The following PFKL variants were observed in gnomAD, a reference collection of about 807,000 sequenced individuals.
PFKL encodes ATP-dependent 6-phosphofructokinase, liver type.
Under a neutral mutation model 92.1 loss-of-function variants are expected in PFKL, and 74 were observed. That is an observed-to-expected ratio of 0.80 (90% CI 0.67 to 0.97). PFKL has a LOEUF of 0.97. PFKL is among the 50% of genes least tolerant of loss of function. PFKL has a pLI of 0.00. For synonymous variants in PFKL, 494 were observed against 456.4 expected (o/e 1.08, Z -1.05); for missense variants, 1,028 against 1,116.6 (o/e 0.92, Z 1.13).
rs1602012824 is a variant in PFKL at position 44,311,189 on chromosome 21, A to C, written c.237+106A>C. On this transcript the variant is annotated intron_variant, in intron 3 of 21. Coordinates refer to ENST00000349048, the MANE Select transcript of PFKL (RefSeq NM_002626.6). ...ACACACAGAGACAGACACGTGCACA[A>C]ACACACACATGCAGACACACAGACA... is the stretch of plus-strand genomic sequence containing the variant. 3 of 785,526 alleles carry C rather than the reference A, an allele frequency of 3.8e-6. No individual in the cohort carries two copies. In the Admixed American group the frequency reaches 7.0e-5, roughly 18 times the overall value. The allele number at this position is 785,526 out of a possible 1,614,324, so 48.7% of individuals were successfully genotyped here.
chr21:44,327,167 G>A lies in PFKL; in HGVS notation c.*305G>A, dbSNP rs1472264711. 4.5e-6 allele frequency: 2 copies of A among 444,258 alleles called. No individual in the cohort carries two copies. The highest frequency in any genetic ancestry group is 4.2e-6 in the Non-Finnish European group (1 of 239,172). The allele number at this position is 444,258 out of a possible 1,614,324, so 27.5% of individuals were successfully genotyped here. On this transcript the variant is annotated 3_prime_UTR_variant, in exon 22 of 22. Coordinates refer to ENST00000349048, the MANE Select transcript of PFKL (RefSeq NM_002626.6). The stretch of plus-strand genomic sequence containing the variant: ...TGCCCCCTGGCTTTGGCGCCCCATG[G>A]GCCCTCAGCGTCTCCCCATGCTGGG...
chr21:44,306,723 A>T lies in PFKL; in HGVS notation c.128A>T (p.Tyr43Phe). ...AVRAVTRMGI[Y>F]VGAKVFLIYE... ...CGGGCTGTGACGCGCATGGGCATTT[A>T]TGTGGGTGCCAAAGTCTTCCTCATC... The change falls in exon 2 of 22, where the codon TAT becomes TTT. Residue 43 changes from tyrosine to phenylalanine, a missense_variant. Coordinates refer to ENST00000349048, the MANE Select transcript of PFKL (RefSeq NM_002626.6). The T allele has an allele frequency of 6.2e-7, 1 of 1,613,868 alleles. No homozygotes were observed.
At chr21:44,302,522 CG>C (rs1568938660) in intron 1 of PFKL, among the ~76,000 whole-genome samples, 1 of 152,210 alleles carries the variant, frequency 6.6e-6, no homozygotes, top group Non-Finnish European at 1.5e-5. Flanking sequence ...TTTTCCTTCT[CG>C]GGGCCCCACT....
intron 3 of PFKL, among the ~76,000 whole-genome samples, chr21:44,311,505 AACAT>A (rs1478526284): frequency 1.3e-5 from 2 of 152,176 alleles, no homozygotes. Context: ...CAGATACAGA[AACAT>A]ACAGACATAT....
chr21:44,319,242 C>T (rs948324528), intron 10 of PFKL, 109 bp from the exon 11 acceptor site: 12 of 904,356 alleles, frequency 1.3e-5, no homozygotes, highest in Non-Finnish European at 2.0e-5. Flanking sequence ...GGGCCAGGGT[C>T]AGGAGATGCC....
chr21:44,323,737 C>G, intron 15 of PFKL, 29 bp from the exon 16 acceptor site: 1 of 1,597,298 alleles, frequency 6.3e-7, no homozygotes. Flanking sequence ...CGGTGCTGCC[C>G]TTGACCTGCC....
At position 44,300,120 on chromosome 21, in the gene PFKL, C is replaced by T; in HGVS notation, c.15C>T (p.Asp5=). The change falls in exon 1 of 22, where the codon GAC becomes GAT. Residue 5 remains aspartate, a synonymous_variant. Coordinates refer to ENST00000349048, the MANE Select transcript of PFKL (RefSeq NM_002626.6). MAAV[D]LEKLRASGAG... is the part of the protein sequence containing the mutation. ...CGGCCGCCGCCATGGCCGCGGTGGACCTGGAGAAGCTGCGGGCGTCGGGCG... is the reference window on the plus strand; with the variant it reads ...CGGCCGCCGCCATGGCCGCGGTGGATCTGGAGAAGCTGCGGGCGTCGGGCG... The T allele has an allele frequency of 8.5e-7, 1 of 1,180,898 alleles. No individual in the cohort carries two copies. Among genetic ancestry groups the T allele is most frequent in the Non-Finnish European group, 1.1e-6 (1 of 939,536 alleles). The allele number at this position is 1,180,898 out of a possible 1,614,324, so 73.2% of individuals were successfully genotyped here. A position where few individuals can be genotyped will look rare whatever the true frequency, so the allele number is the denominator to read the frequency against.
intron 1 of PFKL, among the ~76,000 whole-genome samples, chr21:44,304,689 T>TG (rs1158713423): frequency 4.6e-4 from 54 of 117,524 alleles, no homozygotes; most frequent in South Asian, 1.5e-3. Context: ...CTCAGCTGTC[T>TG]GGGGGGGGCT....
chr21:44,314,312 A>G lies in PFKL; in HGVS notation c.747+291A>G, dbSNP rs2047140054. The G allele has an allele frequency of 1.7e-5, 7 of 409,814 alleles. No individual in the cohort carries two copies. The South Asian group carries it at 2.3e-4, about 14-fold the overall frequency. 25.4% of individuals were successfully genotyped at this position (409,814 alleles called of 1,614,324 possible). On this transcript the variant is annotated intron_variant, in intron 7 of 21. Transcript: ENST00000349048. ...TGTGGGGAGCTTGGTGAGGCTGCTT[A>G]CTGGGGTGGGACTGCTGAGCCTGGG...
Position 44,300,110 on chromosome 21 carries a change from C to T in PFKL, c.5C>T (p.Ala2Val). 1 of 1,163,062 alleles carries T rather than the reference C, an allele frequency of 8.6e-7. No homozygotes were observed. The highest frequency in any genetic ancestry group is 1.1e-6 in the Non-Finnish European group (1 of 930,098). 72.0% of individuals were successfully genotyped at this position (1,163,062 alleles called of 1,614,324 possible). The change falls in exon 1 of 22, where the codon GCC (alanine) becomes GTC (valine). Residue 2 changes from alanine (A) to valine (V), a missense_variant. By Grantham distance (64) the Ala-to-Val change is moderately conservative. Transcript: ENST00000349048. The part of the protein sequence containing the change: M[A>V]AVDLEKLRAS... The stretch of plus-strand genomic sequence containing the variant: ...GCCCGTGTTTCGGCCGCCGCCATGG[C>T]CGCGGTGGACCTGGAGAAGCTGCGG...
intron 2 of PFKL, among the ~76,000 whole-genome samples, chr21:44,309,828 G>C (rs2041063403): frequency 6.6e-6 from 1 of 152,240 alleles, no homozygotes; most frequent in African/African-American, 2.4e-5. Flanking sequence ...CCCTGAGATG[G>C]GGCAGGGGCA....
Position 44,306,897 on chromosome 21 carries a change from G to A in PFKL, c.159+143G>A, listed in dbSNP as rs1602001324. On this transcript the variant is annotated intron_variant, in intron 2 of 21. Coordinates refer to ENST00000349048, the MANE Select transcript of PFKL (RefSeq NM_002626.6). The stretch of plus-strand genomic sequence containing the variant: ...ATGGGTATGTGGTCTTGGGGAGTGT[G>A]AGGGGGAGCTTGGGGCCAGGCCAAA... 4 of 734,924 alleles carry A rather than the reference G, an allele frequency of 5.4e-6. No homozygotes were observed. In the East Asian group the frequency reaches 1.1e-4, roughly 20 times the overall value. The allele number at this position is 734,924 out of a possible 1,614,324, so 45.5% of individuals were successfully genotyped here.
intron 1 of PFKL, among the ~76,000 whole-genome samples, chr21:44,304,054 C>T (rs1035984581): frequency 6.8e-5 from 4 of 58,848 alleles, no homozygotes; most frequent in African/African-American, 4.0e-4. Flanking sequence ...GAACGTGTCC[C>T]TTTCCAGTCC....
Position 44,323,034 on chromosome 21 carries a change from G to T in PFKL, c.1482G>T (p.Val494=). The stretch of plus-strand genomic sequence containing the variant: ...TCTATGGTATTCACGCCCTGCTGGT[G>T]GTCGGTGGGTTTGAGGTGAGAGCTG... ...IRIYGIHALL[V]VGGFEAYEGV... is the part of the protein sequence containing the mutation. The change falls in exon 15 of 22, where the codon GTG becomes GTT. Residue 494 remains valine (V), a synonymous_variant. Coordinates refer to ENST00000349048, the MANE Select transcript of PFKL (RefSeq NM_002626.6). 6.2e-7 allele frequency: 1 copy of T among 1,613,126 alleles called. No individual in the cohort carries two copies. Among genetic ancestry groups the T allele is most frequent in the Non-Finnish European group, 8.5e-7 (1 of 1,179,612 alleles).
At chr21:44,300,318 C>T (rs1601978466) in intron 1 of PFKL, 128 bp downstream of exon 1, 1 of 272,622 alleles carries the variant, frequency 3.7e-6, no homozygotes, top group Non-Finnish European at 5.8e-6. Context: ...CCCCGGCCTC[C>T]CGCCCCGGCC....
Position 44,313,143 on chromosome 21 carries a change from G to A in PFKL, c.593G>A (p.Ser198Asn). The change falls in exon 5 of 22, where the codon AGC becomes AAC. Residue 198 changes from serine (S) to asparagine (N), a missense_variant and splice_region_variant. Transcript: ENST00000349048. ...VIDAITTTAQ[S>N]HQRTFVLEVM... ...GATGCCATCACCACCACTGCCCAGAGGTGAGTGAGGCTGGCGCCGGCGGCC... is the reference window on the plus strand; with the variant it reads ...GATGCCATCACCACCACTGCCCAGAAGTGAGTGAGGCTGGCGCCGGCGGCC... 1 of 1,612,522 alleles carries A rather than the reference G, an allele frequency of 6.2e-7. No homozygotes were observed. Among genetic ancestry groups the A allele is most frequent in the Non-Finnish European group, 8.5e-7 (1 of 1,179,768 alleles).
Position 44,324,363 on chromosome 21 carries a change from T to C in PFKL, c.1651-128T>C. On this transcript the variant is annotated intron_variant, in intron 16 of 21. Transcript: ENST00000349048. ...GAGGTGGGCCCAAGCCTGGTGCTGC[T>C]GGCTGTCTGGGTGCGTCAGCCCCAG... is the stretch of plus-strand genomic sequence containing the variant. The C allele has an allele frequency of 3.2e-6, 3 of 925,316 alleles. No individual in the cohort carries two copies. In the Admixed American group the frequency reaches 7.4e-5, roughly 23 times the overall value. 57.3% of individuals were successfully genotyped at this position (925,316 alleles called of 1,614,324 possible). A position where few individuals can be genotyped will look rare whatever the true frequency, so the allele number is the denominator to read the frequency against.
chr21:44,305,798 A>G, intron 1 of PFKL: 1 of 1,366,824 alleles, frequency 7.3e-7, no homozygotes, highest in Non-Finnish European at 9.8e-7. Flanking sequence ...GTCCCTCTCC[A>G]GGAAACTGGC....
chr21:44,304,460 G>A (rs1004238284), intron 1 of PFKL: 11 of 1,202,518 alleles, frequency 9.1e-6, no homozygotes, highest in Admixed American at 3.3e-5. Context: ...CCAGAGGTGG[G>A]CTTGGACCTG....
Sources: gnomAD v4.1 joint callset for allele counts (sites outside exome capture counted in the v4.1 genomes callset) on GRCh38, gnomAD v4.1.1 for gene constraint, MANE v1.5 for transcripts, NCBI Gene and HGNC (gene_info 2026-07-23, HGNC 2026-07-21) for gene names.